Variants in RNF183 observed in about 807,000 individuals in gnomAD.
RNF183 encodes the protein E3 ubiquitin-protein ligase RNF183.
Under a neutral mutation model 9.0 loss-of-function variants are expected in RNF183, and 4 were observed. The ratio of observed to expected loss-of-function variants is 0.44; its 90% confidence interval spans 0.22 to 1.01. The LOEUF (loss-of-function observed/expected upper bound fraction) is 1.01, where lower values mean the gene tolerates loss of function less well. Among genes scored for constraint, RNF183 ranks in the 50% least tolerant of loss-of-function variants. The pLI is 0.25. For synonymous variants in RNF183, 102 were observed against 107.5 expected, an observed-to-expected ratio of 0.95 and a Z score of 0.32; for missense variants, 227 against 253.6, an observed-to-expected ratio of 0.89 and a Z score of 0.71.
rs377271018 is a variant in RNF183 at position 113,299,137 on chromosome 9, G to C, written c.-38+435C>G. The C allele has an allele frequency of 5.3e-4, 80 of 152,350 alleles. 2 individuals carry two copies. In the South Asian group the frequency reaches 0.017, roughly 32 times the overall value. The allele number at this position is 152,350 out of a possible 1,614,324, so 9.4% of individuals were successfully genotyped here. ...CCTGGGGCTGCCAGGTGGCCCAGTC[G>C]GCAGCCTCTTGAGCACACCTGCTTG... is the stretch of plus-strand genomic sequence containing the variant. On this transcript the variant is annotated intron_variant, in intron 4 of 4. Transcript: ENST00000489339.
chr9:113,298,996 T>G lies in RNF183; in HGVS notation c.-38+576A>C, dbSNP rs1337707878. 2.0e-5 allele frequency: 3 copies of G among 152,296 alleles called. No homozygotes were observed. The highest frequency in any genetic ancestry group is 7.2e-5 in the African/African-American group (3 of 41,438). 9.4% of individuals were successfully genotyped at this position (152,296 alleles called of 1,614,324 possible). ...TGGGCTCCAGGGTGGTCAGGCAGAC[T>G]ACTCTGGAGGGCCTGAGGCTCCAGT... On this transcript the variant is annotated intron_variant, in intron 4 of 4. Transcript: ENST00000489339. The surrounding 1 kb of genome is among the most constrained non-coding windows in gnomAD (Gnocchi z 4.9).
At chr9:113,301,345 C>T (rs1832912907) in intron 3 of RNF183, among the ~76,000 whole-genome samples, 1 of 152,188 alleles carries the variant, frequency 6.6e-6, no homozygotes, top group African/African-American at 2.4e-5. Flanking sequence ...TGCTCCTAGG[C>T]TACAAACCCA....
rs891863897 is a variant in RNF183 at position 113,303,074 on chromosome 9, C to A, written c.-459G>T. ...TCCTTACCTGCTCCCTCGGAGCCGC[C>A]TCCTCCGCCTCCGTTCGTGCAGCCC... On this transcript the variant is annotated 5_prime_UTR_variant, in exon 1 of 5. In the 5' UTR this introduces an upstream ATG that the reference lacks. Transcript: ENST00000489339. 6 of 152,818 alleles carry A rather than the reference C, an allele frequency of 3.9e-5. No individual in the cohort carries two copies. Among genetic ancestry groups the A allele is most frequent in the Admixed American group, 6.5e-5 (1 of 15,306 alleles). The allele number at this position is 152,818 out of a possible 1,614,324, so 9.5% of individuals were successfully genotyped here.
Position 113,297,514 on chromosome 9 carries a change from A to T in RNF183, c.*92T>A. 1.3e-6 allele frequency: 1 copy of T among 794,116 alleles called. No individual in the cohort carries two copies. Among genetic ancestry groups the T allele is most frequent in the Non-Finnish European group, 2.0e-6 (1 of 493,572 alleles). 49.2% of individuals were successfully genotyped at this position (794,116 alleles called of 1,614,324 possible). On this transcript the variant is annotated 3_prime_UTR_variant, in exon 5 of 5. Transcript: ENST00000489339. ...ATCCCTGGATTGTAAAATAAACAACACTACAAAGGAAGACAATACCAAATG... is the reference window on the plus strand; with the variant it reads ...ATCCCTGGATTGTAAAATAAACAACTCTACAAAGGAAGACAATACCAAATG...
Position 113,298,251 on chromosome 9 carries a change from C to T in RNF183, c.-37-30G>A, listed in dbSNP as rs1832804458. On this transcript the variant is annotated intron_variant, in intron 4 of 4. Coordinates refer to ENST00000489339, the MANE Select transcript of RNF183 (RefSeq NM_001371237.1). The surrounding 1 kb of genome is among the most constrained non-coding windows in gnomAD (Gnocchi z 4.9). ...CAGAAGGGGGAAAGGAGCAAAGGAA[C>T]AGCCATGAAGTCCCATCCTTGTGCT... is the stretch of plus-strand genomic sequence containing the variant. 45 of 1,384,772 alleles carry T rather than the reference C, an allele frequency of 3.2e-5. 1 individual carries two copies. In the South Asian group the frequency reaches 4.1e-4, roughly 13 times the overall value. The allele number at this position is 1,384,772 out of a possible 1,614,324, so 85.8% of individuals were successfully genotyped here.
rs756134195 is a variant in RNF183 at position 113,297,842 on chromosome 9, C to A, written c.343G>T (p.Val115Phe). The change falls in exon 5 of 5, where the codon GTC becomes TTC. Residue 115 changes from valine (V) to phenylalanine (F), a missense_variant. By Grantham distance (50) the Val-to-Phe change is conservative. Coordinates refer to ENST00000489339, the MANE Select transcript of RNF183 (RefSeq NM_001371237.1). ...TGGGGGCCAAGGTCCAGCGTGTAGA[C>A]TTGAGGCTGGCGCAGGAAGTAGCGG... ...KSRYFLRQPQ[V>F]YTLDLGPQPG... 2 of 1,604,050 alleles carry A rather than the reference C, an allele frequency of 1.2e-6. No homozygotes were observed. The highest frequency in any genetic ancestry group is 1.7e-6 in the Non-Finnish European group (2 of 1,175,254).
Position 113,301,770 on chromosome 9 carries a change from A to G in RNF183, c.-321-19T>C, listed in dbSNP as rs1832924661. The G allele has an allele frequency of 6.6e-6, 1 of 152,234 alleles. No individual in the cohort carries two copies. The highest frequency in any genetic ancestry group is 1.5e-5 in the Non-Finnish European group (1 of 68,044). 9.4% of individuals were successfully genotyped at this position (152,234 alleles called of 1,614,324 possible). A position where few individuals can be genotyped will look rare whatever the true frequency, so the allele number is the denominator to read the frequency against. The stretch of plus-strand genomic sequence containing the variant: ...AGGACTTCTGCAAAGATGTGAGTAA[A>G]GAGATGCCCATCCAGGCGCTGGTTT... On this transcript the variant is annotated intron_variant, in intron 2 of 4. Transcript: ENST00000489339.
At chr9:113,302,591 G>A (rs1832950267) in intron 1 of RNF183, among the ~76,000 whole-genome samples, 1 of 152,144 alleles carries the variant, frequency 6.6e-6, no homozygotes, top group Non-Finnish European at 1.5e-5. Context: ...GTTGTTGTTT[G>A]CAGAAAGCCA....
chr9:113,302,426 C>T (rs1044614673), intron 1 of RNF183, 113 bp from the exon 2 acceptor site: 2 of 152,218 alleles, frequency 1.3e-5, no homozygotes, highest in African/African-American at 4.8e-5. Context: ...AACAAGTCAT[C>T]GCCAAATATC....
Position 113,299,790 on chromosome 9 carries a change from A to G in RNF183, c.-241-15T>C, listed in dbSNP as rs530675691. 1 of 152,292 alleles carries G rather than the reference A, an allele frequency of 6.6e-6. No individual in the cohort carries two copies. Among genetic ancestry groups the G allele is most frequent in the South Asian group, 2.1e-4 (1 of 4,824 alleles). The allele number at this position is 152,292 out of a possible 1,614,324, so 9.4% of individuals were successfully genotyped here. ...GAGTTGATCTGCTGGGGAAAAGAAA[A>G]AGTTTAAAAACCAATTCTCCATCTG... is the stretch of plus-strand genomic sequence containing the variant. On this transcript the variant is annotated splice_polypyrimidine_tract_variant and intron_variant, in intron 3 of 4. Transcript: ENST00000489339.
chr9:113,302,845 G>A (rs570600491), intron 1 of RNF183, among the ~76,000 whole-genome samples: 175 of 152,346 alleles, frequency 1.1e-3, no homozygotes, highest in African/African-American at 4.0e-3. Context: ...ATTATTTTTA[G>A]ACCCATTTTC....
chr9:113,300,236 G>A (rs193044037), intron 3 of RNF183, among the ~76,000 whole-genome samples: 110 of 152,308 alleles, frequency 7.2e-4, no homozygotes, highest in South Asian at 5.2e-3. Context: ...GGGAGATGGA[G>A]CCCTAAGCGA....
chr9:113,298,392 T>C lies in RNF183; in HGVS notation c.-37-171A>G. The C allele has an allele frequency of 3.4e-6, 2 of 581,610 alleles. No homozygotes were observed. The highest frequency in any genetic ancestry group is 4.1e-5 in the South Asian group (2 of 48,380). 36.0% of individuals were successfully genotyped at this position (581,610 alleles called of 1,614,324 possible). ...TCCTAACCCATCGAGTTGAGTCAAA[T>C]GCTCCTACAGCCTCCCCTCTGTCAA... On this transcript the variant is annotated intron_variant, in intron 4 of 4. Coordinates refer to ENST00000489339, the MANE Select transcript of RNF183 (RefSeq NM_001371237.1). This position sits in a 1 kb window ranked among gnomAD's most constrained non-coding sequence, Gnocchi z 4.9.
At chr9:113,299,476 C>T (rs1164719248) in intron 4 of RNF183, 96 bp downstream of exon 4, 1 of 152,224 alleles carries the variant, frequency 6.6e-6, no homozygotes, top group Non-Finnish European at 1.5e-5. Context: ...TGAAAGTCAC[C>T]TACTTCGAAG....
At chr9:113,300,683 A>T (rs181238073) in intron 3 of RNF183, among the ~76,000 whole-genome samples, 1 of 152,130 alleles carries the variant, frequency 6.6e-6, no homozygotes, top group Non-Finnish European at 1.5e-5. Context: ...AGAAAGTGAA[A>T]GGAGCCCAGG....
intron 3 of RNF183, among the ~76,000 whole-genome samples, chr9:113,301,271 G>A (rs1378640528): frequency 6.6e-6 from 1 of 152,226 alleles, no homozygotes; most frequent in Non-Finnish European, 1.5e-5. Flanking sequence ...ACAGCACAGA[G>A]AGTATTTACA....
rs1388760440 is a variant in RNF183 at position 113,303,215 on chromosome 9, C to T, written c.-600G>A. On this transcript the variant is annotated 5_prime_UTR_variant, in exon 1 of 5. Transcript: ENST00000489339. ...GCCAGCTCTCGCTGTTTCAGGTTTT[C>T]TTCTTCCTTCTGGTGACTTTGGACC... The T allele has an allele frequency of 6.5e-6, 1 of 152,820 alleles. No individual in the cohort carries two copies. Among genetic ancestry groups the T allele is most frequent in the Non-Finnish European group, 1.5e-5 (1 of 68,486 alleles). The allele number at this position is 152,820 out of a possible 1,614,324, so 9.5% of individuals were successfully genotyped here. A position where few individuals can be genotyped will look rare whatever the true frequency, so the allele number is the denominator to read the frequency against.
Position 113,298,324 on chromosome 9 carries a change from C to T in RNF183, c.-37-103G>A, listed in dbSNP as rs191832531. ...TGGGTGTTGAAAGGTGTAATCACCA[C>T]GTTTTACTTAGGTTCAAAAGCGTTT... On this transcript the variant is annotated intron_variant, in intron 4 of 4. Coordinates refer to ENST00000489339, the MANE Select transcript of RNF183 (RefSeq NM_001371237.1). The surrounding 1 kb of genome is among the most constrained non-coding windows in gnomAD (Gnocchi z 4.9). 50 of 699,152 alleles carry T rather than the reference C, an allele frequency of 7.2e-5. No individual in the cohort carries two copies. In the East Asian group the frequency reaches 1.0e-3, roughly 15 times the overall value. The allele number at this position is 699,152 out of a possible 1,614,324, so 43.3% of individuals were successfully genotyped here. A position where few individuals can be genotyped will look rare whatever the true frequency, so the allele number is the denominator to read the frequency against.
chr9:113,300,464 G>T (rs1832883149), intron 3 of RNF183, among the ~76,000 whole-genome samples: 1 of 152,322 alleles, frequency 6.6e-6, no homozygotes, highest in South Asian at 2.1e-4. Context: ...AATTTTAATG[G>T]TTGTTAATAA....
Sources: gnomAD v4.1 joint callset for allele counts (sites outside exome capture counted in the v4.1 genomes callset) on GRCh38, gnomAD v4.1.1 for gene constraint, Gnocchi (gnomAD v3.1) non-coding constraint, MANE v1.5 for transcripts, NCBI Gene and HGNC (gene_info 2026-07-23, HGNC 2026-07-21) for gene names.